BUD23: variants seen among roughly 807,000 people sequenced by gnomAD.
BUD23 encodes the protein BUD23 rRNA methyltransferase and ribosome maturation factor.
Under a neutral mutation model 47.0 loss-of-function variants are expected in BUD23, and 34 were observed. The ratio of observed to expected loss-of-function variants is 0.72; its 90% CI spans 0.55 to 0.96. The LOEUF (loss-of-function observed/expected upper bound fraction) is 0.96, where lower values mean the gene tolerates loss of function less well. BUD23 is among the 40% of genes least tolerant of loss of function. The pLI, the probability that BUD23 is intolerant of heterozygous loss-of-function variation, is 0.00. For missense variants in BUD23, 343 were observed against 361.2 expected (o/e 0.95, Z 0.41); for synonymous variants, 124 against 132.0 (o/e 0.94, Z 0.41).
At position 73,693,332 on chromosome 7, in the gene BUD23, G is replaced by A. The variant is rs1554614335; in HGVS notation, c.514G>A (p.Glu172Lys). ...CCCGCTGCCTTTCTTTCCTCAGTTG[G>A]AGCTGATCACAACCCAGGCCACAAA... Reference protein sequence around the residue: ...QLYPENSEQLELITTQATKAG... With the variant: ...QLYPENSEQLKLITTQATKAG... The change falls in exon 8 of 12, where the codon GAG becomes AAG. Residue 172 changes from glutamate (E) to lysine (K), a missense_variant. Coordinates refer to ENST00000265758, the MANE Select transcript of BUD23 (RefSeq NM_017528.5). 4 of 1,613,924 alleles carry A rather than the reference G, an allele frequency of 2.5e-6. No homozygotes were observed. The highest frequency in any genetic ancestry group is 3.4e-6 in the Non-Finnish European group (4 of 1,179,932).
At chr7:73,694,074 C>T (rs782716745) in intron 10 of BUD23, 24 bp downstream of exon 10, 4 of 1,596,026 alleles carry the variant, frequency 2.5e-6, no homozygotes, top group South Asian at 1.1e-5. Flanking sequence ...TGAAGCCTGC[C>T]CCGGCTGCAG....
At chr7:73,686,042 G>A (rs868928577) in intron 2 of BUD23, among the ~76,000 whole-genome samples, 3 of 151,118 alleles carry the variant, frequency 2.0e-5, no homozygotes, top group Non-Finnish European at 4.4e-5. Flanking sequence ...CTTGCAGTGA[G>A]CCGAGATCGC....
At chr7:73,691,273 G>A (rs1278810488) in intron 6 of BUD23, among the ~76,000 whole-genome samples, 1 of 152,092 alleles carries the variant, frequency 6.6e-6, no homozygotes, top group Non-Finnish European at 1.5e-5. Flanking sequence ...CTTGTAATAG[G>A]GCCTACTTCT....
chr7:73,693,868 C>T, intron 9 of BUD23, 124 bp from the exon 10 acceptor site: 1 of 1,384,680 alleles, frequency 7.2e-7, no homozygotes, highest in Non-Finnish European at 1.0e-6. Flanking sequence ...CGTGTCAGTT[C>T]CTTCTCGTGG....
intron 2 of BUD23, 191 bp downstream of exon 2, chr7:73,683,995 G>GT: frequency 6.8e-7 from 1 of 1,468,282 alleles, no homozygotes; most frequent in Non-Finnish European, 9.0e-7. Flanking sequence ...GTACCTCAGC[G>GT]TTGAGGTAGG....
At chr7:73,685,983 C>T (rs1554612919) in intron 2 of BUD23, among the ~76,000 whole-genome samples, 1 of 151,650 alleles carries the variant, frequency 6.6e-6, no homozygotes, top group African/African-American at 2.4e-5. Flanking sequence ...GTAGTCCCAG[C>T]TGCTGGGGAA....
At chr7:73,686,512 G>T in intron 2 of BUD23, 124 bp from the exon 3 acceptor site, 1 of 849,420 alleles carries the variant, frequency 1.2e-6, no homozygotes, top group Non-Finnish European at 1.9e-6. Context: ...GAGTACCTCG[G>T]GATGATTGAT....
rs1797982913 is a variant in BUD23 at position 73,686,657 on chromosome 7, G to C, written c.108G>C (p.Gln36His). 1.2e-6 allele frequency: 2 copies of C among 1,614,138 alleles called. No individual in the cohort carries two copies. Among genetic ancestry groups the C allele is most frequent in the Non-Finnish European group, 1.7e-6 (2 of 1,180,020 alleles). Residue 36 changes from glutamine (Q) to histidine (H), a missense_variant, in exon 3 of 12, where the codon CAG becomes CAC. By Grantham distance (24) the Gln-to-His change is conservative. Transcript: ENST00000265758. Reference sequence around the variant, plus strand: ...CCAGCTCACGGATGATTGATATCCAGACCAGGATGGCTGGGCGAGCATTGG... The same window carrying C: ...CCAGCTCACGGATGATTGATATCCACACCAGGATGGCTGGGCGAGCATTGG... ...YVRNSRMIDI[Q>H]TRMAGRALEL...
At position 73,692,858 on chromosome 7, in the gene BUD23, C is replaced by T; in HGVS notation, c.510+212C>T. ...TGGGATGCCTTCTCTTGGCAGATGA[C>T]ATGGTATTACAGATAAGGTGATGCG... On this transcript the variant is annotated intron_variant, in intron 7 of 11. Coordinates refer to ENST00000265758, the MANE Select transcript of BUD23 (RefSeq NM_017528.5). 7.0e-6 allele frequency: 4 copies of T among 569,036 alleles called. No homozygotes were observed. In the South Asian group the frequency reaches 9.2e-5, roughly 13 times the overall value. The allele number at this position is 569,036 out of a possible 1,614,324, so 35.2% of individuals were successfully genotyped here. A position where few individuals can be genotyped will look rare whatever the true frequency, so the allele number is the denominator to read the frequency against.
intron 6 of BUD23, among the ~76,000 whole-genome samples, chr7:73,691,437 CCCT>C (rs1798191495): frequency 6.6e-6 from 1 of 152,146 alleles, no homozygotes; most frequent in African/African-American, 2.4e-5. Context: ...CCTCACTTAT[CCCT>C]CCTCCTAGTG....
chr7:73,688,904 A>G (rs1034960958), intron 5 of BUD23, among the ~76,000 whole-genome samples: 4 of 152,188 alleles, frequency 2.6e-5, no homozygotes, highest in Admixed American at 6.5e-5. Context: ...GGGTTGGGGA[A>G]TAATTTCAAG....
At chr7:73,687,210 G>A (rs1798008751) in intron 5 of BUD23, 115 bp downstream of exon 5, 3 of 1,101,068 alleles carry the variant, frequency 2.7e-6, no homozygotes, top group Admixed American at 2.2e-5. Context: ...CACCTCCTGG[G>A]TTCAGGTGAT....
rs1798483569 is a variant in BUD23, at chr7:73,697,763, T to C, written c.791+69T>C. The C allele has an allele frequency of 5.0e-6, 8 of 1,609,714 alleles. No individual in the cohort carries two copies. The South Asian group carries it at 7.7e-5, about 15-fold the overall frequency. ...TGACTATTGCCATGAAGAGCTTCCC[T>C]TTATTTGAAGGGTCCAGGGCTGCTT... is the stretch of plus-strand genomic sequence containing the variant. On this transcript the variant is annotated intron_variant, in intron 11 of 11. Coordinates refer to ENST00000265758, the MANE Select transcript of BUD23 (RefSeq NM_017528.5).
In BUD23 at chr7:73,693,392, C is replaced by T; in HGVS notation, c.574C>T (p.Pro192Ser). 1 of 1,614,126 alleles carries T rather than the reference C, an allele frequency of 6.2e-7. No homozygotes were observed. Among genetic ancestry groups the T allele is most frequent in the East Asian group, 2.2e-5 (1 of 44,886 alleles). ...GFSGGMVVDY[P>S]NSAKAKKFYL... ...CTCCGGTGGCATGGTGGTAGACTAC[C>T]CTAACAGTGCCAAAGCAAAGAAGTG... The change falls in exon 8 of 12, where the codon CCT becomes TCT. Residue 192 changes from proline to serine, a missense_variant. By Grantham distance (74) the Pro-to-Ser change is moderately conservative. Coordinates refer to ENST00000265758, the MANE Select transcript of BUD23 (RefSeq NM_017528.5).
At chr7:73,693,567 T>A in intron 8 of BUD23, 57 bp from the exon 9 acceptor site, 1 of 1,611,306 alleles carries the variant, frequency 6.2e-7, no homozygotes. Flanking sequence ...AGCTGAGGGC[T>A]TGTCTCCCTG....
chr7:73,698,136 GGAAAA>G lies in BUD23; in HGVS notation c.*251_*255del, dbSNP rs1798506782. ...CATAATGAAACTTCCTTTCCAGGGA[GGAAAA>G]AAAAAAAAAAAAAAAGCTCTGAGAG... is the stretch of plus-strand genomic sequence containing the variant. On this transcript the variant is annotated 3_prime_UTR_variant, in exon 12 of 12. Transcript: ENST00000265758. The G allele has an allele frequency of 7.4e-5, 8 of 108,422 alleles. No homozygotes were observed. Among genetic ancestry groups the G allele is most frequent in the Middle Eastern group, 5.1e-3 (1 of 198 alleles). 6.7% of individuals were successfully genotyped at this position (108,422 alleles called of 1,614,324 possible).
At chr7:73,687,120 T>G (rs782452434) in intron 5 of BUD23, 25 bp downstream of exon 5, 4 of 1,610,422 alleles carry the variant, frequency 2.5e-6, no homozygotes, top group Non-Finnish European at 2.5e-6. Flanking sequence ...TTCCTGCTTT[T>G]ATTTATTTAG....
At chr7:73,693,542 G>C in intron 8 of BUD23, 82 bp from the exon 9 acceptor site, 1 of 1,601,346 alleles carries the variant, frequency 6.2e-7, no homozygotes. Flanking sequence ...CAGGCGGAGG[G>C]GGTGCGGGTG....
chr7:73,697,936 G>A lies in BUD23; in HGVS notation c.*50G>A. The stretch of plus-strand genomic sequence containing the variant: ...ACTTGCCTCTGCACTTTTCTATATT[G>A]TTCAGCTGACAAAGTAGTATTTTAG... On this transcript the variant is annotated 3_prime_UTR_variant, in exon 12 of 12. Coordinates refer to ENST00000265758, the MANE Select transcript of BUD23 (RefSeq NM_017528.5). 1 of 1,560,494 alleles carries A rather than the reference G, an allele frequency of 6.4e-7. No individual in the cohort carries two copies. The highest frequency in any genetic ancestry group is 8.6e-7 in the Non-Finnish European group (1 of 1,156,848).
Sources: allele counts gnomAD v4.1 joint callset (sites outside exome capture counted in the v4.1 genomes callset), GRCh38; gene constraint gnomAD v4.1.1; transcripts MANE v1.5; gene names NCBI Gene and HGNC (gene_info 2026-07-23, HGNC 2026-07-21).